PTPRE: variants seen among roughly 807,000 people sequenced by gnomAD.
The protein encoded by PTPRE is protein tyrosine phosphatase receptor type E.
Under a neutral mutation model 102.0 loss-of-function variants are expected in PTPRE, and 51 were observed. The observed-to-expected ratio is 0.50, with a 90% confidence interval of 0.40 to 0.63. The LOEUF (loss-of-function observed/expected upper bound fraction) is 0.63. Among genes scored for constraint, PTPRE ranks in the 30% least tolerant of loss-of-function variants. The pLI is 0.00. For missense variants in PTPRE, 752 were observed against 915.1 expected (o/e 0.82, Z 2.30); for synonymous variants, 345 against 348.2 (o/e 0.99, Z 0.10).
In PTPRE at chr10:128,028,128, C is replaced by T. The variant is rs563150673; in HGVS notation, c.-7-12747C>T. 6.6e-6 allele frequency among the ~76,000 whole-genome samples: 1 copy of T among 152,228 alleles called. No individual in the cohort carries two copies. Among genetic ancestry groups the T allele is most frequent in the Admixed American group, 6.5e-5 (1 of 15,286 alleles). ...CAGACCACTGGATTTCTGGAGAACA[C>T]TGTACTTCGCCAGCCTGCGGCAGAC... is the stretch of plus-strand genomic sequence containing the variant. On this transcript the variant is annotated intron_variant, in intron 2 of 20. Transcript: ENST00000254667. The surrounding 1 kb of genome is among the most constrained non-coding windows in gnomAD (Gnocchi z 4.5).
chr10:127,959,914 A>G (rs1459240345), intron 1 of PTPRE, among the ~76,000 whole-genome samples: 1 of 152,182 alleles, frequency 6.6e-6, no homozygotes, highest in Non-Finnish European at 1.5e-5. Context: ...TTTATTATTA[A>G]TTCATTCAAA....
At chr10:128,049,080 A>G (rs1270288643) in intron 5 of PTPRE, among the ~76,000 whole-genome samples, 1 of 152,164 alleles carries the variant, frequency 6.6e-6, no homozygotes, top group African/African-American at 2.4e-5. Flanking sequence ...AATATTTGTT[A>G]TGAAGAAGAA....
At chr10:127,975,308 T>TA (rs1304576056) in intron 1 of PTPRE, among the ~76,000 whole-genome samples, 1 of 152,238 alleles carries the variant, frequency 6.6e-6, no homozygotes, top group Non-Finnish European at 1.5e-5. Flanking sequence ...GAGGGCTGTT[T>TA]ACCAACACAC....
intron 7 of PTPRE, among the ~76,000 whole-genome samples, chr10:128,059,715 G>A (rs1849352366): frequency 6.6e-6 from 1 of 152,168 alleles, no homozygotes; most frequent in Admixed American, 6.5e-5. Flanking sequence ...GCAGGGCCAG[G>A]CCCACAGCAC....
chr10:127,961,673 T>C (rs1329229273), intron 1 of PTPRE, among the ~76,000 whole-genome samples: 1 of 152,178 alleles, frequency 6.6e-6, no homozygotes, highest in Non-Finnish European at 1.5e-5. Flanking sequence ...GGACTGGCTG[T>C]CCTTTACTGT....
At chr10:128,019,195 A>G (rs1845664804) in intron 2 of PTPRE, among the ~76,000 whole-genome samples, 1 of 152,220 alleles carries the variant, frequency 6.6e-6, no homozygotes, top group Non-Finnish European at 1.5e-5. Flanking sequence ...CCCGACTTCC[A>G]ATCCCAGCCC....
Position 128,070,361 on chromosome 10 carries a change from C to T in PTPRE, c.1204C>T (p.Leu402=). The T allele has an allele frequency of 6.2e-7, 1 of 1,614,202 alleles. No individual in the cohort carries two copies. The highest frequency in any genetic ancestry group is 8.5e-7 in the Non-Finnish European group (1 of 1,180,034). The change falls in exon 14 of 21, where the codon CTG becomes TTG. Residue 402 remains leucine, a synonymous_variant. Coordinates refer to ENST00000254667, the MANE Select transcript of PTPRE (RefSeq NM_006504.6). The surrounding 1 kb of genome is among the most constrained non-coding windows in gnomAD (Gnocchi z 4.8). The part of the protein sequence containing the change: ...LEYYLYGDTE[L]DVSSLEKHLQ... ...GTACTACCTCTACGGGGACACAGAG[C>T]TGGACGTGTCCTCCCTGGAGAAGCA...
In PTPRE at chr10:128,008,296, C is replaced by T. The variant is rs1221380195; in HGVS notation, c.-8+26000C>T. ...CCCTCCCTCCCTCCAGGTGCCTTTG[C>T]AGCCTCAGGGCATTCACACTGCACC... is the stretch of plus-strand genomic sequence containing the variant. On this transcript the variant is annotated intron_variant, in intron 2 of 20. Coordinates refer to ENST00000254667, the MANE Select transcript of PTPRE (RefSeq NM_006504.6). This position sits in a 1 kb window ranked among gnomAD's most constrained non-coding sequence, Gnocchi z 4.0. 7.0e-6 allele frequency among the ~76,000 whole-genome samples: 1 copy of T among 142,464 alleles called. No individual in the cohort carries two copies. The highest frequency in any genetic ancestry group is 2.4e-4 in the East Asian group (1 of 4,082). 93.5% of individuals were successfully genotyped at this position (142,464 alleles called of 152,430 possible).
intron 2 of PTPRE, chr10:127,998,495 T>C (rs1269676871): frequency 6.6e-6 from 1 of 152,166 alleles, no homozygotes; most frequent in Non-Finnish European, 1.5e-5. Context: ...GAAATAATAG[T>C]GAATTGAATG....
intron 2 of PTPRE, among the ~76,000 whole-genome samples, chr10:128,030,257 A>G (rs964231635): frequency 6.6e-6 from 1 of 152,210 alleles, no homozygotes; most frequent in African/African-American, 2.4e-5. Context: ...TACAATAACC[A>G]GCCCTTGCCT....
chr10:128,038,132 A>G (rs1270149357), intron 2 of PTPRE, among the ~76,000 whole-genome samples: 2 of 152,102 alleles, frequency 1.3e-5, no homozygotes, highest in Non-Finnish European at 2.9e-5. Flanking sequence ...TTCAAGCATC[A>G]TTTGGACCAA....
chr10:128,071,788 T>G, intron 15 of PTPRE: 1 of 204,980 alleles, frequency 4.9e-6, no homozygotes, highest in Non-Finnish European at 9.9e-6. Context: ...CTCTGGCCCT[T>G]GGTTTTCTGG....
At chr10:127,983,863 A>G (rs1216282995) in intron 2 of PTPRE, among the ~76,000 whole-genome samples, 1 of 152,102 alleles carries the variant, frequency 6.6e-6, no homozygotes, top group African/African-American at 2.4e-5. Flanking sequence ...ATCCTGTGAC[A>G]GGTGCTTCCG....
chr10:127,914,035 C>T (rs973101033), intron 1 of PTPRE, among the ~76,000 whole-genome samples: 1 of 152,160 alleles, frequency 6.6e-6, no homozygotes, highest in Non-Finnish European at 1.5e-5. Context: ...ATCATGGGGG[C>T]AGGTACCTCA....
intron 1 of PTPRE, among the ~76,000 whole-genome samples, chr10:127,917,027 T>C (rs1846254943): frequency 6.6e-6 from 1 of 152,010 alleles, no homozygotes; most frequent in East Asian, 1.9e-4. Context: ...GGTCCCCTGC[T>C]GGCTGTGTGT....
chr10:128,032,415 T>TC (rs1846840558), intron 2 of PTPRE, among the ~76,000 whole-genome samples: 1 of 152,224 alleles, frequency 6.6e-6, no homozygotes, highest in South Asian at 2.1e-4. Context: ...TGCTGTGCTC[T>TC]CCTCATAGGA....
intron 2 of PTPRE, among the ~76,000 whole-genome samples, chr10:128,036,099 A>G (rs1847193104): frequency 6.6e-6 from 1 of 151,648 alleles, no homozygotes; most frequent in Non-Finnish European, 1.5e-5. Flanking sequence ...GTGGACGGGG[A>G]TCAGGAAAAT....
chr10:128,038,862 C>CT (rs1564912431), intron 2 of PTPRE, among the ~76,000 whole-genome samples: 1 of 152,126 alleles, frequency 6.6e-6, no homozygotes, highest in Non-Finnish European at 1.5e-5. Flanking sequence ...GGTGGACAGG[C>CT]TTTGAATTCT....
chr10:128,072,957 C>T (rs1271256662), intron 16 of PTPRE, among the ~76,000 whole-genome samples: 1 of 152,142 alleles, frequency 6.6e-6, no homozygotes, highest in Non-Finnish European at 1.5e-5. Context: ...AGTGTGTGTT[C>T]ATATTGCCAT....
Sources: allele counts gnomAD v4.1 joint callset (sites outside exome capture counted in the v4.1 genomes callset), GRCh38; gene constraint gnomAD v4.1.1; non-coding constraint Gnocchi (gnomAD v3.1); transcripts MANE v1.5; gene names NCBI Gene and HGNC (gene_info 2026-07-23, HGNC 2026-07-21).